DSCAM: variants seen among roughly 807,000 people sequenced by gnomAD.
DSCAM encodes DS cell adhesion molecule.
A neutral mutation model predicts 217.7 loss-of-function variants in DSCAM; 47 were observed. The ratio of observed to expected loss-of-function variants is 0.22; its 90% CI spans 0.17 to 0.28. The LOEUF is 0.28. Ranked by LOEUF, DSCAM falls within the 10% of genes least tolerant of loss-of-function variation. The pLI is 1.00. For missense variants in DSCAM, 2,080 were observed against 2,618.3 expected, an observed-to-expected ratio of 0.79 and a Z score of 4.49; for synonymous variants, 1,056 against 1,015.3, an observed-to-expected ratio of 1.04 and a Z score of -0.76.
chr21:40,289,151 T>C (rs1024917414), intron 10 of DSCAM, among the ~76,000 whole-genome samples: 2 of 152,170 alleles, frequency 1.3e-5, no homozygotes, highest in Admixed American at 1.3e-4. Flanking sequence ...TAACCTCTAT[T>C]TCCTATGAAA....
intron 3 of DSCAM, among the ~76,000 whole-genome samples, chr21:40,648,734 G>T (rs569290364): frequency 6.6e-6 from 1 of 152,226 alleles, no homozygotes; most frequent in African/African-American, 2.4e-5. Flanking sequence ...TCCATAAAAA[G>T]CTCCAGACCT....
intron 29 of DSCAM, among the ~76,000 whole-genome samples, chr21:40,054,651 T>C (rs2142121): frequency 0.12 from 18,909 of 152,266 alleles, 1,534 homozygotes; most frequent in East Asian, 0.34. Flanking sequence ...CCTCGGAGCC[T>C]GCCTCAGGGT....
At position 40,392,589 on chromosome 21, in the gene DSCAM, C is replaced by G. The variant is rs534581019; in HGVS notation, c.509-23344G>C. ...GGGTAGAACACAAGTTCTTGTAACA[C>G]TGGAATTGGAATTCCAGGATGGGGA... On this transcript the variant is annotated intron_variant, in intron 3 of 32. Transcript: ENST00000400454. 1.7e-3 allele frequency among the ~76,000 whole-genome samples: 262 copies of G among 152,264 alleles called. 2 individuals are homozygous for G. Among genetic ancestry groups the G allele is most frequent in the African/African-American group, 4.8e-3 (201 of 41,556 alleles).
chr21:40,496,421 G>A (rs2076119061), intron 3 of DSCAM, among the ~76,000 whole-genome samples: 1 of 152,146 alleles, frequency 6.6e-6, no homozygotes, highest in Non-Finnish European at 1.5e-5. Context: ...AACACACATT[G>A]AGGAAAGAAC....
At chr21:40,575,665 C>A (rs187242158) in intron 3 of DSCAM, among the ~76,000 whole-genome samples, 15 of 152,044 alleles carry the variant, frequency 9.9e-5, no homozygotes, top group Admixed American at 2.6e-4. Context: ...TAGGCTTCAT[C>A]AATTTTTTAA....
At chr21:40,240,349 G>GTTTTTTTTTTTTT (rs749073872) in intron 11 of DSCAM, among the ~76,000 whole-genome samples, 1 of 57,732 alleles carries the variant, frequency 1.7e-5, no homozygotes, top group African/African-American at 7.7e-5. Context: ...TTCCTCACTG[G>GTTTTTTTTTTTTT]TTTTTTTTTT....
chr21:40,115,295 T>C (rs962669542), intron 20 of DSCAM, among the ~76,000 whole-genome samples: 1 of 152,162 alleles, frequency 6.6e-6, no homozygotes, highest in Non-Finnish European at 1.5e-5. Context: ...ACCATCATTC[T>C]GAGCAAACTA....
chr21:40,751,709 G>A (rs769139791), intron 1 of DSCAM, among the ~76,000 whole-genome samples: 3 of 152,128 alleles, frequency 2.0e-5, no homozygotes, highest in Non-Finnish European at 2.9e-5. Context: ...GGGTGGGGAC[G>A]TGATTGGAGA....
intron 16 of DSCAM, among the ~76,000 whole-genome samples, chr21:40,166,988 G>GA (rs5844004): frequency 0.72 from 105,324 of 147,068 alleles, 38,450 homozygotes; most frequent in African/African-American, 0.9. Flanking sequence ...ATTCAAGGAA[G>GA]AAAAAAAAAA....
chr21:40,611,559 G>C (rs2089315902), intron 3 of DSCAM, among the ~76,000 whole-genome samples: 2 of 152,102 alleles, frequency 1.3e-5, no homozygotes, highest in African/African-American at 4.8e-5. Context: ...GTGTGGCCAG[G>C]GCTACCCTAC....
intron 28 of DSCAM, among the ~76,000 whole-genome samples, chr21:40,062,029 C>A (rs2089131278): frequency 6.6e-6 from 1 of 152,146 alleles, no homozygotes; most frequent in Non-Finnish European, 1.5e-5. Context: ...ACACATCAGG[C>A]AATTAATCCA....
chr21:40,491,358 AC>A (rs899396574), intron 3 of DSCAM, among the ~76,000 whole-genome samples: 1 of 151,938 alleles, frequency 6.6e-6, no homozygotes, highest in Non-Finnish European at 1.5e-5. Context: ...CTTCTGCCTA[AC>A]CTTTTTGCCA....
At chr21:40,442,780 G>A (rs866252948) in intron 3 of DSCAM, among the ~76,000 whole-genome samples, 1 of 152,038 alleles carries the variant, frequency 6.6e-6, no homozygotes, top group Non-Finnish European at 1.5e-5. Context: ...AAAGTGCTGG[G>A]ATTACAGACG....
At chr21:40,518,485 A>G (rs867042721) in intron 3 of DSCAM, among the ~76,000 whole-genome samples, 1 of 25,154 alleles carries the variant, frequency 4.0e-5, no homozygotes, top group Non-Finnish European at 5.7e-5. Flanking sequence ...TATATTTTAT[A>G]TATATATTAT....
At chr21:40,832,549 G>A (rs889733949) in intron 1 of DSCAM, among the ~76,000 whole-genome samples, 6 of 152,204 alleles carry the variant, frequency 3.9e-5, no homozygotes, top group Admixed American at 1.3e-4. Context: ...CTTAGGATGC[G>A]GGAAGCTGGA....
intron 3 of DSCAM, among the ~76,000 whole-genome samples, chr21:40,589,073 T>A (rs546475099): frequency 5.4e-4 from 83 of 152,326 alleles, no homozygotes; most frequent in African/African-American, 1.9e-3. Flanking sequence ...TTCTCTGTCT[T>A]GTTTTCCAAA....
intron 1 of DSCAM, among the ~76,000 whole-genome samples, chr21:40,815,796 C>G (rs1020322721): frequency 6.6e-6 from 1 of 152,176 alleles, no homozygotes; most frequent in African/African-American, 2.4e-5. Flanking sequence ...CTCTAGTGAC[C>G]TTCAGCAATG....
chr21:40,490,302 G>T (rs1436884436), intron 3 of DSCAM, among the ~76,000 whole-genome samples: 1 of 152,164 alleles, frequency 6.6e-6, no homozygotes, highest in Non-Finnish European at 1.5e-5. Flanking sequence ...GTAGGTCTAT[G>T]TGATTTGCTA....
At chr21:40,223,295 C>A (rs2091303968) in intron 11 of DSCAM, among the ~76,000 whole-genome samples, 2 of 152,330 alleles carry the variant, frequency 1.3e-5, no homozygotes, top group South Asian at 4.1e-4. Flanking sequence ...CAGAGACCAG[C>A]CCATCACTTG....
Sources: allele counts gnomAD v4.1 joint callset (sites outside exome capture counted in the v4.1 genomes callset), GRCh38; gene constraint gnomAD v4.1.1; transcripts MANE v1.5; gene names NCBI Gene and HGNC (gene_info 2026-07-23, HGNC 2026-07-21).